Variants in ROBO1 observed in about 807,000 individuals in gnomAD.
ROBO1 encodes the protein roundabout guidance receptor 1.
In ROBO1, 149 loss-of-function variants were observed where a neutral mutation model predicts 195.9. That is an observed-to-expected ratio of 0.76 (90% confidence interval 0.67 to 0.87). The LOEUF (loss-of-function observed/expected upper bound fraction) is 0.87, where lower values mean the gene tolerates loss of function less well. Ranked by LOEUF, ROBO1 falls within the 40% of genes least tolerant of loss-of-function variation. The pLI, the probability that ROBO1 is intolerant of heterozygous loss-of-function variation, is 0.00. For missense variants in ROBO1, 1,933 were observed against 2,068.3 expected (o/e 0.93, Z 1.27); for synonymous variants, 816 against 733.2 (o/e 1.11, Z -1.82).
At chr3:79,203,502 G>A (rs968959697) in intron 2 of ROBO1, among the ~76,000 whole-genome samples, 1 of 152,140 alleles carries the variant, frequency 6.6e-6, no homozygotes, top group Admixed American at 6.6e-5. Context: ...AGTCAAGTGG[G>A]TTGCAAACTC....
At chr3:78,859,552 G>A (rs1311245700) in intron 4 of ROBO1, among the ~76,000 whole-genome samples, 1 of 152,170 alleles carries the variant, frequency 6.6e-6, no homozygotes. Flanking sequence ...GGAATATAGA[G>A]GAAGAGATTT....
chr3:79,686,507 G>A (rs547318794), intron 1 of ROBO1, among the ~76,000 whole-genome samples: 24 of 152,194 alleles, frequency 1.6e-4, no homozygotes, highest in African/African-American at 5.8e-4. Flanking sequence ...TAAGCTGATA[G>A]GCAACTTCAG....
chr3:79,277,765 C>T (rs1043398278), intron 2 of ROBO1, among the ~76,000 whole-genome samples: 3 of 147,594 alleles, frequency 2.0e-5, no homozygotes, highest in African/African-American at 7.7e-5. Flanking sequence ...TATGTATGCA[C>T]AGAAATAAAA....
At chr3:79,636,753 T>C (rs1418634389) in intron 1 of ROBO1, among the ~76,000 whole-genome samples, 1 of 152,176 alleles carries the variant, frequency 6.6e-6, no homozygotes, top group Non-Finnish European at 1.5e-5. Context: ...GCAGGCACTA[T>C]CTCTGGCTTC....
chr3:78,612,437 T>G (rs1431527475), intron 28 of ROBO1, among the ~76,000 whole-genome samples: 1 of 152,204 alleles, frequency 6.6e-6, no homozygotes, highest in African/African-American at 2.4e-5. Context: ...GGTCTATGAA[T>G]ATTTTTTCCA....
At chr3:79,655,202 A>T (rs551162889) in intron 1 of ROBO1, among the ~76,000 whole-genome samples, 2 of 152,190 alleles carry the variant, frequency 1.3e-5, no homozygotes, top group South Asian at 4.1e-4. Flanking sequence ...AATACTCAAG[A>T]TCAAAAATAT....
At chr3:79,308,613 G>A (rs1049890092) in intron 2 of ROBO1, among the ~76,000 whole-genome samples, 5 of 152,150 alleles carry the variant, frequency 3.3e-5, no homozygotes, top group Middle Eastern at 3.4e-3. Context: ...AAAAGAAAGC[G>A]GGGTCAGGCA....
intron 15 of ROBO1, 48 bp downstream of exon 15, chr3:78,661,945 T>C (rs1415730668): frequency 6.3e-7 from 1 of 1,583,288 alleles, no homozygotes; most frequent in Non-Finnish European, 8.6e-7. Flanking sequence ...ATTGCAATGA[T>C]CTCGCAGACG....
chr3:78,809,895 G>A (rs1337605329), intron 4 of ROBO1, among the ~76,000 whole-genome samples: 12 of 151,828 alleles, frequency 7.9e-5, no homozygotes, highest in African/African-American at 2.9e-4. Context: ...GTAGATGACG[G>A]GTTGATGGGT....
chr3:78,992,932 C>A (rs1427168554), intron 3 of ROBO1, among the ~76,000 whole-genome samples: 2 of 152,114 alleles, frequency 1.3e-5, no homozygotes, highest in Non-Finnish European at 2.9e-5. Flanking sequence ...GACAAAAGAA[C>A]ACGCCAAGAT....
intron 4 of ROBO1, among the ~76,000 whole-genome samples, chr3:78,799,397 A>T (rs898811469): frequency 6.6e-6 from 1 of 151,526 alleles, no homozygotes. Flanking sequence ...GCTGGAGTGC[A>T]GTGGCACAAT....
chr3:79,569,505 T>C (rs1943201615), intron 2 of ROBO1, among the ~76,000 whole-genome samples: 1 of 152,094 alleles, frequency 6.6e-6, no homozygotes, highest in Admixed American at 6.6e-5. Context: ...AGTTTCAATG[T>C]TTTCATGTAT....
chr3:79,185,100 T>C (rs1476538393), intron 2 of ROBO1, among the ~76,000 whole-genome samples: 1 of 152,162 alleles, frequency 6.6e-6, no homozygotes, highest in Non-Finnish European at 1.5e-5. Flanking sequence ...AATCACAGTG[T>C]CTATCAGAGG....
At chr3:79,086,319 A>G (rs1042791581) in intron 3 of ROBO1, among the ~76,000 whole-genome samples, 1 of 152,184 alleles carries the variant, frequency 6.6e-6, no homozygotes, top group East Asian at 1.9e-4. Context: ...ATGTAAAAAA[A>G]AAAGAAATGT....
chr3:79,329,644 T>C (rs2034351601), intron 2 of ROBO1, among the ~76,000 whole-genome samples: 1 of 152,196 alleles, frequency 6.6e-6, no homozygotes, highest in South Asian at 2.1e-4. Context: ...AGAGATGCTG[T>C]TATTATTTTT....
chr3:79,326,956 T>C (rs951897531), intron 2 of ROBO1, among the ~76,000 whole-genome samples: 1 of 152,134 alleles, frequency 6.6e-6, no homozygotes, highest in Non-Finnish European at 1.5e-5. Context: ...TTTACTATAT[T>C]TATAGGAAGT....
chr3:79,431,030 G>C (rs1400133591), intron 2 of ROBO1, among the ~76,000 whole-genome samples: 1 of 152,066 alleles, frequency 6.6e-6, no homozygotes, highest in East Asian at 1.9e-4. Context: ...AGGTGTAATT[G>C]CATGAACTTT....
At chr3:79,656,649 C>G (rs911131128) in intron 1 of ROBO1, among the ~76,000 whole-genome samples, 1 of 151,752 alleles carries the variant, frequency 6.6e-6, no homozygotes, top group East Asian at 1.9e-4. Flanking sequence ...AATCCCAGCA[C>G]TTTGGGAGAC....
intron 1 of ROBO1, among the ~76,000 whole-genome samples, chr3:79,751,570 A>T (rs959773066): frequency 5.9e-5 from 9 of 152,114 alleles, no homozygotes; most frequent in African/African-American, 1.7e-4. Flanking sequence ...CAGTATCCTG[A>T]TGTTTGTATA....
Sources: allele counts gnomAD v4.1 joint callset (sites outside exome capture counted in the v4.1 genomes callset), GRCh38; gene constraint gnomAD v4.1.1; transcripts MANE v1.5; gene names NCBI Gene and HGNC (gene_info 2026-07-23, HGNC 2026-07-21).